Variants in MYOM2 observed in about 807,000 individuals in gnomAD.
MYOM2 encodes the protein myomesin 2, also known as myomesin-2.
Under a neutral mutation model 187.6 loss-of-function variants are expected in MYOM2, and 254 were observed. That is an observed-to-expected ratio of 1.35 (90% CI 1.22 to 1.50). The LOEUF (loss-of-function observed/expected upper bound fraction) is 1.50, where lower values mean the gene tolerates loss of function less well. Ranked by LOEUF, MYOM2 falls within the 40% of genes most tolerant of loss-of-function variation. MYOM2 has a pLI of 0.00. For synonymous variants in MYOM2, 981 were observed against 753.8 expected (o/e 1.30, Z -4.94); for missense variants, 2,796 against 1,924.0 (o/e 1.45, Z -8.48).
chr8:2,131,832 ATGGGG>A (rs1797883191), intron 32 of MYOM2, among the ~76,000 whole-genome samples: 1 of 151,784 alleles, frequency 6.6e-6, no homozygotes, highest in East Asian at 1.9e-4. Flanking sequence ...TTTAGTAGAG[ATGGGG>A]TTTCACCGTG....
At chr8:2,051,419 CT>C (rs1818481229) in intron 2 of MYOM2, among the ~76,000 whole-genome samples, 1 of 152,258 alleles carries the variant, frequency 6.6e-6, no homozygotes, top group East Asian at 1.9e-4. Context: ...CCCATGGACA[CT>C]GTTTGTGTAG....
intron 10 of MYOM2, among the ~76,000 whole-genome samples, chr8:2,073,782 G>A (rs1436766356): frequency 3.9e-5 from 6 of 152,196 alleles, no homozygotes; most frequent in Non-Finnish European, 5.9e-5. Context: ...TTTGAAAAAC[G>A]ATTCCCAAGA....
chr8:2,076,433 T>C, intron 11 of MYOM2, 151 bp downstream of exon 11: 1 of 1,066,988 alleles, frequency 9.4e-7, no homozygotes, highest in Non-Finnish European at 1.3e-6. Flanking sequence ...TAAGTTCCTA[T>C]TTAGGTAATT....
chr8:2,084,161 G>A (rs549834418), intron 13 of MYOM2, among the ~76,000 whole-genome samples: 21 of 152,308 alleles, frequency 1.4e-4, no homozygotes, highest in Admixed American at 3.9e-4. Flanking sequence ...TCTAGGTGTG[G>A]ACACGGTGCA....
In MYOM2 at chr8:2,073,515, G is replaced by A; in HGVS notation, c.1120+15G>A. 6.3e-7 allele frequency: 1 copy of A among 1,587,892 alleles called. No homozygotes were observed. The highest frequency in any genetic ancestry group is 8.5e-7 in the Non-Finnish European group (1 of 1,174,674). On this transcript the variant is annotated intron_variant, in intron 10 of 36. Transcript: ENST00000262113. ...GTTTGTCAGAGGTGCGGGCAGCAGG[G>A]TTCTCAGGGTGCAGACCTTGTGTGT...
At chr8:2,058,871 G>T (rs555914574) in intron 5 of MYOM2, among the ~76,000 whole-genome samples, 1 of 152,332 alleles carries the variant, frequency 6.6e-6, no homozygotes, top group African/African-American at 2.4e-5. Flanking sequence ...TGTTTCTTAT[G>T]GAATGACAAG....
At chr8:2,121,003 A>T (rs922264345) in intron 28 of MYOM2, among the ~76,000 whole-genome samples, 8 of 152,064 alleles carry the variant, frequency 5.3e-5, no homozygotes, top group Non-Finnish European at 1.2e-4. Context: ...ACTTGCAAGG[A>T]AGCTGCAAGG....
chr8:2,143,398 C>T lies in MYOM2; in HGVS notation c.4025-3C>T, dbSNP rs1432077056. On this transcript the variant is annotated splice_region_variant and splice_polypyrimidine_tract_variant and intron_variant, in intron 35 of 36. Coordinates refer to ENST00000262113, the MANE Select transcript of MYOM2 (RefSeq NM_003970.4). ...TCCTAACCAAGGTGCTTTCCCGTTG[C>T]AGATCGTGGCAGGTTGATCGGCGGC... The T allele has an allele frequency of 6.2e-7, 1 of 1,614,052 alleles. No homozygotes were observed. The highest frequency in any genetic ancestry group is 8.5e-7 in the Non-Finnish European group (1 of 1,180,048).
chr8:2,071,096 T>C (rs957981622), intron 8 of MYOM2, among the ~76,000 whole-genome samples: 2 of 152,144 alleles, frequency 1.3e-5, no homozygotes, highest in Non-Finnish European at 2.9e-5. Flanking sequence ...ACCTCCCAAA[T>C]AGCTGGGACT....
In MYOM2 at chr8:2,144,824, G is replaced by C; in HGVS notation, c.4241G>C (p.Gly1414Ala). Reference sequence around the variant, plus strand: ...AAAGGCGTGACCTCCGAGGACTCGGGCAAGTACAGCATCAACATCAAGAAT... The same window carrying C: ...AAAGGCGTGACCTCCGAGGACTCGGCCAAGTACAGCATCAACATCAAGAAT... ...TIKGVTSEDS[G>A]KYSINIKNKY... Residue 1414 changes from glycine (G) to alanine (A), a missense_variant, in exon 37 of 37, where the codon GGC (glycine) becomes GCC (alanine). Transcript: ENST00000262113. 1 of 1,614,190 alleles carries C rather than the reference G, an allele frequency of 6.2e-7. No homozygotes were observed. Among genetic ancestry groups the C allele is most frequent in the Non-Finnish European group, 8.5e-7 (1 of 1,180,036 alleles).
chr8:2,129,500 C>G (rs1335027029), intron 32 of MYOM2, among the ~76,000 whole-genome samples: 1 of 152,180 alleles, frequency 6.6e-6, no homozygotes, highest in African/African-American at 2.4e-5. Flanking sequence ...GGTGGCTTTA[C>G]TGGTAACACA....
intron 25 of MYOM2, among the ~76,000 whole-genome samples, chr8:2,113,991 GAGGGTGCTCCCAAGGGC>G (rs1171529085): frequency 6.6e-6 from 1 of 152,216 alleles, no homozygotes; most frequent in Non-Finnish European, 1.5e-5. Flanking sequence ...GTAGGGTGGG[GAGGGTGCTCCCAAGGGC>G]AGGGTGCTAT....
intron 11 of MYOM2, 98 bp downstream of exon 11, chr8:2,076,380 C>A: frequency 6.9e-7 from 1 of 1,458,214 alleles, no homozygotes; most frequent in Non-Finnish European, 9.2e-7. Flanking sequence ...GGTTGACGTT[C>A]CCATTTTTTG....
chr8:2,069,497 T>C lies in MYOM2; in HGVS notation c.793T>C (p.Leu265=). 6.2e-7 allele frequency: 1 copy of C among 1,614,144 alleles called. No homozygotes were observed. Among genetic ancestry groups the C allele is most frequent in the Non-Finnish European group, 8.5e-7 (1 of 1,180,016 alleles). The change falls in exon 8 of 37, where the codon TTG becomes CTG. Residue 265 remains leucine (L), a splice_region_variant and synonymous_variant. Coordinates refer to ENST00000262113, the MANE Select transcript of MYOM2 (RefSeq NM_003970.4). ...PFRSVGLPIG[L]PLSSMIPYTH... ...CCGTTCGGTGGGACTCCCGATTGGA[T>C]GTAAGTGGGTTTTTGTTTCTTTTCT...
Position 2,076,192 on chromosome 8 carries a change from G to A in MYOM2, c.1172G>A (p.Cys391Tyr). The change falls in exon 11 of 37, where the codon TGC becomes TAC. Residue 391 changes from cysteine to tyrosine, a missense_variant. Cys to Tyr is a radical substitution (Grantham distance 194). Coordinates refer to ENST00000262113, the MANE Select transcript of MYOM2 (RefSeq NM_003970.4). The stretch of plus-strand genomic sequence containing the variant: ...CCCGGTGCACCCATGGACTTGCAGT[G>A]CCACGACGCCAACCGGGACTACGTC... ...GAPGAPMDLQ[C>Y]HDANRDYVIV... The A allele has an allele frequency of 6.2e-7, 1 of 1,613,458 alleles. No homozygotes were observed. The highest frequency in any genetic ancestry group is 8.5e-7 in the Non-Finnish European group (1 of 1,179,888).
chr8:2,073,659 G>A (rs1819316093), intron 10 of MYOM2, among the ~76,000 whole-genome samples, 159 bp downstream of exon 10: 1 of 152,218 alleles, frequency 6.6e-6, no homozygotes, highest in Non-Finnish European at 1.5e-5. Context: ...CTCAGTGCAT[G>A]GGCACGCCAG....
rs1442586989 is a variant in MYOM2, at chr8:2,078,810, CT to C, written c.1344del (p.Phe448LeufsTer10). ...AATCTGCAAATACCCGGTCACAGGG[CT>C]TTTTGAAGGAAGGTCTTACATATTC... The part of the protein sequence containing the change: ...VKICKYPVTG[L>X]FEGRSYIFRV... On this transcript the variant is annotated frameshift_variant, in exon 12 of 37. Transcript: ENST00000262113. LOFTEE classifies it high-confidence loss of function. The C allele has an allele frequency of 6.2e-7, 1 of 1,614,014 alleles. No homozygotes were observed. The highest frequency in any genetic ancestry group is 1.7e-5 in the Admixed American group (1 of 60,000).
chr8:2,131,697 G>A (rs1040225782), intron 32 of MYOM2, among the ~76,000 whole-genome samples: 2 of 144,036 alleles, frequency 1.4e-5, no homozygotes, highest in African/African-American at 5.3e-5. Context: ...AGGCTGGAGT[G>A]CAGTGGTGCG....
rs576029342 is a variant in MYOM2 at position 2,123,161 on chromosome 8, G to C, written c.3454-91G>C. 2.5e-4 allele frequency: 204 copies of C among 821,676 alleles called. 1 individual carries two copies. The highest frequency in any genetic ancestry group is 1.9e-5 in the Non-Finnish European group (10 of 527,110). The allele number at this position is 821,676 out of a possible 1,614,324, so 50.9% of individuals were successfully genotyped here. A position where few individuals can be genotyped will look rare whatever the true frequency, so the allele number is the denominator to read the frequency against. On this transcript the variant is annotated intron_variant, in intron 28 of 36. Coordinates refer to ENST00000262113, the MANE Select transcript of MYOM2 (RefSeq NM_003970.4). ...AGTAAAAACTAAGGTTTTTTGAGGG[G>C]GGGGCTCTGTGATTTAAGATTCTAA...
Sources: gnomAD v4.1 joint callset for allele counts (sites outside exome capture counted in the v4.1 genomes callset) on GRCh38, gnomAD v4.1.1 for gene constraint, MANE v1.5 for transcripts, NCBI Gene and HGNC (gene_info 2026-07-23, HGNC 2026-07-21) for gene names.